LRMDA: variants seen among roughly 807,000 people sequenced by gnomAD.
LRMDA encodes the protein leucine rich melanocyte differentiation associated.
LRMDA carries 18 observed loss-of-function variants against 29.8 expected under a neutral mutation model. The ratio of observed to expected loss-of-function variants is 0.60; its 90% CI spans 0.42 to 0.90. The LOEUF (loss-of-function observed/expected upper bound fraction) is 0.90, where lower values mean the gene tolerates loss of function less well. Among genes scored for constraint, LRMDA ranks in the 40% least tolerant of loss-of-function variants. The pLI, the probability that LRMDA is intolerant of heterozygous loss-of-function variation, is 0.00. For missense variants in LRMDA, 273 were observed against 273.9 expected, an observed-to-expected ratio of 1.00 and a Z score of 0.02; for synonymous variants, 125 against 109.4, an observed-to-expected ratio of 1.14 and a Z score of -0.89.
At chr10:76,352,106 T>A (rs1170585826) in intron 6 of LRMDA, among the ~76,000 whole-genome samples, 1 of 152,130 alleles carries the variant, frequency 6.6e-6, no homozygotes, top group Non-Finnish European at 1.5e-5. Context: ...ATTATGTAAG[T>A]TGCTATGAAT....
At chr10:76,206,274 C>T (rs79076864) in intron 5 of LRMDA, among the ~76,000 whole-genome samples, 1 of 152,140 alleles carries the variant, frequency 6.6e-6, no homozygotes, top group East Asian at 1.9e-4. Context: ...TGTCCCACTG[C>T]CTGGAATGCT....
intron 2 of LRMDA, among the ~76,000 whole-genome samples, chr10:75,926,159 T>G (rs1164959284): frequency 2.0e-5 from 3 of 152,136 alleles, no homozygotes; most frequent in African/African-American, 7.2e-5. Flanking sequence ...GTGCCTCTAT[T>G]ATTCTTGTGT....
intron 6 of LRMDA, among the ~76,000 whole-genome samples, chr10:76,461,912 G>A (rs1589197228): frequency 6.6e-6 from 1 of 151,622 alleles, no homozygotes; most frequent in South Asian, 2.1e-4. Context: ...CCATCTCTAC[G>A]AAAAATACAA....
intron 5 of LRMDA, among the ~76,000 whole-genome samples, chr10:76,302,032 C>T (rs552116987): frequency 6.6e-6 from 1 of 152,238 alleles, no homozygotes; most frequent in East Asian, 1.9e-4. Context: ...TATTTTTAGC[C>T]CCTCAGTTTT....
chr10:76,287,383 A>G (rs1196194836), intron 5 of LRMDA, among the ~76,000 whole-genome samples: 1 of 152,066 alleles, frequency 6.6e-6, no homozygotes, highest in African/African-American at 2.4e-5. Flanking sequence ...CCTGTTCTGA[A>G]TTCCTTCAGA....
At chr10:76,046,129 A>G (rs555935511) in intron 3 of LRMDA, among the ~76,000 whole-genome samples, 127 of 113,728 alleles carry the variant, frequency 1.1e-3, no homozygotes, top group South Asian at 4.2e-3. Flanking sequence ...TTATCTGCCA[A>G]CTTGGTTAAC....
chr10:75,559,916 T>C (rs1840268991), intron 2 of LRMDA, among the ~76,000 whole-genome samples: 1 of 124,106 alleles, frequency 8.1e-6, no homozygotes, highest in Non-Finnish European at 1.9e-5. Context: ...ACCAGTACCA[T>C]GCTGTTTTGG....
At chr10:76,244,363 C>T (rs554857460) in intron 5 of LRMDA, among the ~76,000 whole-genome samples, 28 of 152,254 alleles carry the variant, frequency 1.8e-4, no homozygotes, top group African/African-American at 5.8e-4. Context: ...TCATCTTCTA[C>T]GCCTCCTAAA....
chr10:75,594,381 C>T (rs943642101), intron 2 of LRMDA, among the ~76,000 whole-genome samples: 13 of 152,158 alleles, frequency 8.5e-5, no homozygotes, highest in Non-Finnish European at 1.8e-4. Context: ...TTTTGAGGTC[C>T]CAGGTTTAGC....
intron 2 of LRMDA, among the ~76,000 whole-genome samples, chr10:75,895,029 A>T (rs561406684): frequency 3.6e-4 from 55 of 152,286 alleles, no homozygotes; most frequent in South Asian, 2.3e-3. Flanking sequence ...TGAAAAGTGG[A>T]AATCCAGTGG....
chr10:76,331,608 G>T (rs1840906038), intron 6 of LRMDA, among the ~76,000 whole-genome samples: 1 of 152,196 alleles, frequency 6.6e-6, no homozygotes, highest in African/African-American at 2.4e-5. Flanking sequence ...TTGTCCAGGG[G>T]TCCTGTCAAA....
At chr10:75,788,695 T>C (rs932923313) in intron 2 of LRMDA, among the ~76,000 whole-genome samples, 1 of 152,254 alleles carries the variant, frequency 6.6e-6, no homozygotes, top group African/African-American at 2.4e-5. Context: ...GAGACACAGC[T>C]GTTCCTGGCT....
chr10:76,513,963 A>T (rs2637248), intron 6 of LRMDA, among the ~76,000 whole-genome samples: 1 of 151,962 alleles, frequency 6.6e-6, no homozygotes, highest in African/African-American at 2.4e-5. Context: ...ATTGAATAGG[A>T]TTCTTTCCTG....
In LRMDA at chr10:76,068,689, G is replaced by A. The variant is rs140978247; in HGVS notation, c.516+9906G>A. 8.2e-3 allele frequency among the ~76,000 whole-genome samples: 1,248 copies of A among 152,278 alleles called. 7 individuals carry two copies. Among genetic ancestry groups the A allele is most frequent in the Non-Finnish European group, 0.013 (915 of 68,024 alleles). ...GTACATGTCTGTAGCCCCGGGATTG[G>A]TGTTGGAGACCCCTGCCTTAGGGTG... On this transcript the variant is annotated intron_variant, in intron 5 of 6. Transcript: ENST00000611255.
At chr10:75,716,521 C>T (rs948927597) in intron 2 of LRMDA, among the ~76,000 whole-genome samples, 1 of 152,180 alleles carries the variant, frequency 6.6e-6, no homozygotes, top group East Asian at 1.9e-4. Flanking sequence ...TCTTTGCCTG[C>T]AAGACTCTCT....
chr10:75,820,108 C>G (rs557980818), intron 2 of LRMDA, among the ~76,000 whole-genome samples: 2 of 152,198 alleles, frequency 1.3e-5, no homozygotes, highest in African/African-American at 2.4e-5. Flanking sequence ...ATCATCGAGG[C>G]AGAAAAACAA....
At chr10:75,932,337 C>T (rs1470750589) in intron 2 of LRMDA, among the ~76,000 whole-genome samples, 4 of 152,062 alleles carry the variant, frequency 2.6e-5, no homozygotes, top group Admixed American at 6.6e-5. Context: ...GAGGGGATGG[C>T]TGTAGAGAAA....
chr10:75,849,527 C>T (rs11001520), intron 2 of LRMDA, among the ~76,000 whole-genome samples: 5,256 of 152,260 alleles, frequency 0.035, 249 homozygotes, highest in African/African-American at 0.11. Context: ...ACCGCATGTT[C>T]TCACTTCTAA....
intron 2 of LRMDA, among the ~76,000 whole-genome samples, chr10:75,886,870 G>T (rs1292835098): frequency 1.3e-5 from 2 of 152,152 alleles, no homozygotes; most frequent in Non-Finnish European, 2.9e-5. Flanking sequence ...ATTTATAAAA[G>T]AATTGGGACT....
Sources: gnomAD v4.1 joint callset for allele counts (sites outside exome capture counted in the v4.1 genomes callset) on GRCh38, gnomAD v4.1.1 for gene constraint, MANE v1.5 for transcripts, NCBI Gene and HGNC (gene_info 2026-07-23, HGNC 2026-07-21) for gene names.